Variants in SNX15 observed in about 807,000 individuals in gnomAD.
The protein encoded by SNX15 is sorting nexin 15, also known as sorting nexin-15.
A neutral mutation model predicts 35.2 loss-of-function variants in SNX15; 29 were observed. That is an observed-to-expected ratio of 0.82 (90% confidence interval 0.61 to 1.12). The LOEUF is 1.12. Among genes scored for constraint, SNX15 ranks in the 50% most tolerant of loss-of-function variants. The pLI is 0.00. For synonymous variants in SNX15, 189 were observed against 188.2 expected (o/e 1.00, Z -0.03); for missense variants, 400 against 451.5 (o/e 0.89, Z 1.03).
In SNX15 at chr11:65,034,971, A is replaced by G. The variant is rs1161385014; in HGVS notation, c.372+9A>G. 1.2e-6 allele frequency: 2 copies of G among 1,613,318 alleles called. No homozygotes were observed. The highest frequency in any genetic ancestry group is 1.7e-5 in the Admixed American group (1 of 59,948). Reference sequence around the variant, plus strand: ...TCAAGGAGTTCTTCCGGGTATGTGCACCTTCCACCTTCCCAGAACTTGGGC... The same window carrying G: ...TCAAGGAGTTCTTCCGGGTATGTGCGCCTTCCACCTTCCCAGAACTTGGGC... On this transcript the variant is annotated intron_variant, in intron 4 of 7. Coordinates refer to ENST00000377244, the MANE Select transcript of SNX15 (RefSeq NM_013306.5).
In SNX15 at chr11:65,038,601, G is replaced by T. The variant is rs771832927; in HGVS notation, c.694G>T (p.Ala232Ser). 1.3e-6 allele frequency: 2 copies of T among 1,585,916 alleles called. No individual in the cohort carries two copies. The highest frequency in any genetic ancestry group is 1.7e-6 in the Non-Finnish European group (2 of 1,165,004). The change falls in exon 7 of 8, where the codon GCT becomes TCT. Residue 232 changes from alanine to serine, a missense_variant. Ala to Ser is a moderately conservative substitution (Grantham distance 99). Coordinates refer to ENST00000377244, the MANE Select transcript of SNX15 (RefSeq NM_013306.5). Reference protein sequence around the residue: ...EGAAPSPTHVAELATMEVESA... With the variant: ...EGAAPSPTHVSELATMEVESA... The stretch of plus-strand genomic sequence containing the variant: ...CGCAGCCCCCAGCCCCACCCATGTG[G>T]CTGAGCTGGCAACGATGGAGGTGGA...
intron 1 of SNX15, among the ~76,000 whole-genome samples, chr11:65,028,416 C>A (rs544415103): frequency 1.1e-3 from 167 of 152,298 alleles, no homozygotes; most frequent in Non-Finnish European, 2.0e-3. Flanking sequence ...CATTAGTTAA[C>A]TCTAAAAGCA....
intron 3 of SNX15, among the ~76,000 whole-genome samples, chr11:65,033,126 T>G (rs1361414875): frequency 3.3e-5 from 5 of 152,126 alleles, no homozygotes; most frequent in African/African-American, 9.7e-5. Context: ...CCTGCCCGCC[T>G]TGGCTTCCCA....
At chr11:65,033,082 G>GC (rs1946459020) in intron 3 of SNX15, among the ~76,000 whole-genome samples, 1 of 151,626 alleles carries the variant, frequency 6.6e-6, no homozygotes, top group Admixed American at 6.6e-5. Context: ...CATCATATTG[G>GC]CCAGGCTGGT....
Position 65,027,461 on chromosome 11 carries a change from G to C in SNX15, c.-77G>C. ...AGCGCAGGCCTGGCGAGGCGGCGGC[G>C]GGCGGAGGCTGGGCCGGAGGGGTGG... On this transcript the variant is annotated 5_prime_UTR_variant, in exon 1 of 8. Coordinates refer to ENST00000377244, the MANE Select transcript of SNX15 (RefSeq NM_013306.5). The C allele has an allele frequency of 8.5e-7, 1 of 1,169,892 alleles. No homozygotes were observed. The allele number at this position is 1,169,892 out of a possible 1,614,324, so 72.5% of individuals were successfully genotyped here.
At chr11:65,037,652 C>T (rs1946517989) in intron 6 of SNX15, 1 of 152,270 alleles carries the variant, frequency 6.6e-6, no homozygotes, top group Non-Finnish European at 1.5e-5. Flanking sequence ...GTGGGCACCT[C>T]CAACAAGCCT....
At chr11:65,035,427 T>G in intron 5 of SNX15, 93 bp from the exon 6 acceptor site, 2 of 1,390,522 alleles carry the variant, frequency 1.4e-6, no homozygotes, top group Non-Finnish European at 2.0e-6. Context: ...TCTATGCCCA[T>G]GGTTGCTGCA....
In SNX15 at chr11:65,027,653, C is replaced by A; in HGVS notation, c.99+17C>A. The A allele has an allele frequency of 1.3e-6, 2 of 1,593,138 alleles. No homozygotes were observed. Among genetic ancestry groups the A allele is most frequent in the Non-Finnish European group, 1.7e-6 (2 of 1,161,056 alleles). On this transcript the variant is annotated intron_variant, in intron 1 of 7. Coordinates refer to ENST00000377244, the MANE Select transcript of SNX15 (RefSeq NM_013306.5). ...ACCGCGCAGGTGAGGTGGGGCCCAGCGCGTACTTTACCCTTTTAACTAGAG... is the reference window on the plus strand; with the variant it reads ...ACCGCGCAGGTGAGGTGGGGCCCAGAGCGTACTTTACCCTTTTAACTAGAG...
intron 1 of SNX15, among the ~76,000 whole-genome samples, chr11:65,031,600 A>G (rs770041799): frequency 2.6e-5 from 4 of 152,184 alleles, no homozygotes; most frequent in African/African-American, 4.8e-5. Context: ...TGGTCTGTTC[A>G]AGGAACTGGG....
chr11:65,035,407 A>G, intron 5 of SNX15, 113 bp from the exon 6 acceptor site: 3 of 1,331,448 alleles, frequency 2.3e-6, no homozygotes, highest in Non-Finnish European at 3.1e-6. Context: ...AAACCCTAAT[A>G]ACAGGCTTGT....
At chr11:65,028,488 A>G (rs1946399636) in intron 1 of SNX15, among the ~76,000 whole-genome samples, 1 of 152,186 alleles carries the variant, frequency 6.6e-6, no homozygotes, top group Non-Finnish European at 1.5e-5. Flanking sequence ...TATTTAAAAT[A>G]TGCTTTCCCC....
At chr11:65,029,988 A>G (rs1325961872) in intron 1 of SNX15, among the ~76,000 whole-genome samples, 1 of 150,116 alleles carries the variant, frequency 6.7e-6, no homozygotes, top group African/African-American at 2.5e-5. Flanking sequence ...CCTGCATTCA[A>G]TCCATCCTCT....
chr11:65,035,698 C>A, intron 6 of SNX15, 35 bp downstream of exon 6: 1 of 1,572,038 alleles, frequency 6.4e-7, no homozygotes, highest in South Asian at 1.2e-5. Context: ...GGAGCCAGGG[C>A]AGGACGTCCT....
intron 1 of SNX15, 97 bp downstream of exon 1, chr11:65,027,733 A>G (rs1309681918): frequency 2.2e-5 from 20 of 896,190 alleles, no homozygotes; most frequent in African/African-American, 5.0e-5. Context: ...CCCTTTTTAG[A>G]CGACAGAAAT....
intron 7 of SNX15, 65 bp from the exon 8 acceptor site, chr11:65,039,621 C>G (rs961944004): frequency 9.7e-7 from 1 of 1,029,934 alleles, no homozygotes. Context: ...GTAAAGGACC[C>G]GACCAGGGGT....
Position 65,027,561 on chromosome 11 carries a change from CTT to C in SNX15, c.25_26del (p.Phe9ProfsTer80). The C allele has an allele frequency of 6.2e-7, 1 of 1,614,068 alleles. No homozygotes were observed. The highest frequency in any genetic ancestry group is 2.2e-5 in the East Asian group (1 of 44,888). ...TCATGTCCCGCCAGGCGAAGGATGA[CTT>C]CCTGCGGCACTACACAGTGTCGGAC... MSRQAKDD[F>X]LRHYTVSDPR... On this transcript the variant is annotated frameshift_variant, in exon 1 of 8. Coordinates refer to ENST00000377244, the MANE Select transcript of SNX15 (RefSeq NM_013306.5). LOFTEE classifies it high-confidence loss of function.
At chr11:65,039,584 A>G in intron 7 of SNX15, 102 bp from the exon 8 acceptor site, 1 of 671,208 alleles carries the variant, frequency 1.5e-6, no homozygotes, top group Non-Finnish European at 2.7e-6. Flanking sequence ...AGAGGAGGGA[A>G]AAGCACATGG....
chr11:65,040,272 A>C lies in SNX15; in HGVS notation c.*480A>C, dbSNP rs139054961. On this transcript the variant is annotated 3_prime_UTR_variant, in exon 8 of 8. Coordinates refer to ENST00000377244, the MANE Select transcript of SNX15 (RefSeq NM_013306.5). Reference sequence around the variant, plus strand: ...CCCGCCTCAGTCTCCCAAAGTGCTGAGATTACAGGCATGAGTCACTACGCC... The same window carrying C: ...CCCGCCTCAGTCTCCCAAAGTGCTGCGATTACAGGCATGAGTCACTACGCC... 3.4e-4 allele frequency: 53 copies of C among 157,738 alleles called. No homozygotes were observed. The East Asian group carries it at 9.7e-3, about 29-fold the overall frequency. 9.8% of individuals were successfully genotyped at this position (157,738 alleles called of 1,614,324 possible).
chr11:65,039,533 T>A (rs34589041), intron 7 of SNX15, among the ~76,000 whole-genome samples, 153 bp from the exon 8 acceptor site: 16,967 of 152,190 alleles, frequency 0.11, 1,196 homozygotes, highest in South Asian at 0.22. Context: ...GGCCTCAGTT[T>A]TCTTATTTGT....
Sources: gnomAD v4.1 joint callset for allele counts (sites outside exome capture counted in the v4.1 genomes callset) on GRCh38, gnomAD v4.1.1 for gene constraint, MANE v1.5 for transcripts, NCBI Gene and HGNC (gene_info 2026-07-23, HGNC 2026-07-21) for gene names.